Variants in FAM13C observed in about 807,000 individuals in gnomAD.
FAM13C encodes the protein family with sequence similarity 13 member C, also known as protein FAM13C.
In FAM13C, 37 loss-of-function variants were observed where a neutral mutation model predicts 73.2. The ratio of observed to expected loss-of-function variants is 0.51; its 90% confidence interval spans 0.39 to 0.67. The LOEUF (loss-of-function observed/expected upper bound fraction) is 0.67. FAM13C is among the 30% of genes least tolerant of loss of function. The pLI, the probability that FAM13C is intolerant of heterozygous loss-of-function variation, is 0.00. For synonymous variants in FAM13C, 246 were observed against 260.9 expected (o/e 0.94, Z 0.55); for missense variants, 589 against 715.6 (o/e 0.82, Z 2.02).
intron 8 of FAM13C, among the ~76,000 whole-genome samples, chr10:59,264,659 T>G (rs1229674980): frequency 2.0e-5 from 3 of 152,190 alleles, no homozygotes; most frequent in Non-Finnish European, 2.9e-5. Flanking sequence ...CTGGAAGATT[T>G]AGCTCTTATC....
intron 9 of FAM13C, among the ~76,000 whole-genome samples, chr10:59,262,893 G>A (rs1484453613): frequency 6.6e-6 from 1 of 152,174 alleles, no homozygotes; most frequent in Non-Finnish European, 1.5e-5. Flanking sequence ...GTAGCTCAGT[G>A]GTTTAGATTT....
intron 10 of FAM13C, among the ~76,000 whole-genome samples, chr10:59,254,774 T>G (rs1259928285): frequency 4.6e-5 from 7 of 151,854 alleles, no homozygotes; most frequent in Non-Finnish European, 7.4e-5. Context: ...GGCTAATTAT[T>G]TTGTATTTTT....
At chr10:59,295,582 G>A (rs1447335738) in intron 5 of FAM13C, among the ~76,000 whole-genome samples, 1 of 152,154 alleles carries the variant, frequency 6.6e-6, no homozygotes, top group East Asian at 1.9e-4. Flanking sequence ...CCCAGCCAGT[G>A]CCTAGATTTC....
intron 5 of FAM13C, among the ~76,000 whole-genome samples, chr10:59,292,009 C>T (rs1255980521): frequency 6.6e-6 from 1 of 152,148 alleles, no homozygotes; most frequent in South Asian, 2.1e-4. Context: ...AGGATGGTCT[C>T]TATCTCCTGA....
At chr10:59,344,090 T>C (rs1853909878) in intron 3 of FAM13C, among the ~76,000 whole-genome samples, 2 of 150,060 alleles carry the variant, frequency 1.3e-5, no homozygotes, top group African/African-American at 4.9e-5. Context: ...GCTTCCCGAG[T>C]AGCTGGGACT....
chr10:59,278,862 T>C (rs140263575), intron 6 of FAM13C, among the ~76,000 whole-genome samples: 1 of 150,818 alleles, frequency 6.6e-6, no homozygotes, highest in African/African-American at 2.5e-5. Flanking sequence ...ACACACACCA[T>C]AATGAATTAA....
At chr10:59,319,779 C>G (rs1849978247) in intron 4 of FAM13C, among the ~76,000 whole-genome samples, 1 of 152,140 alleles carries the variant, frequency 6.6e-6, no homozygotes, top group African/African-American at 2.4e-5. Context: ...TTTCTTCCAG[C>G]TCTAACTAAC....
chr10:59,308,562 C>G (rs55827141), intron 4 of FAM13C, among the ~76,000 whole-genome samples: 2 of 115,830 alleles, frequency 1.7e-5, no homozygotes, highest in Non-Finnish European at 3.9e-5. Context: ...ACCAGCACCA[C>G]CAACCACCAT....
intron 1 of FAM13C, among the ~76,000 whole-genome samples, chr10:59,358,032 G>A (rs1292596063): frequency 1.3e-5 from 2 of 151,980 alleles, no homozygotes; most frequent in African/African-American, 4.8e-5. Flanking sequence ...TTAAACAAAG[G>A]CCACCCACAG....
chr10:59,336,530 A>G (rs909883188), intron 3 of FAM13C, among the ~76,000 whole-genome samples: 1 of 152,170 alleles, frequency 6.6e-6, no homozygotes, highest in African/African-American at 2.4e-5. Flanking sequence ...TCTCAAGCCA[A>G]GATTAGGGTG....
At chr10:59,271,041 G>A (rs998974374) in intron 6 of FAM13C, among the ~76,000 whole-genome samples, 8 of 152,104 alleles carry the variant, frequency 5.3e-5, no homozygotes, top group African/African-American at 1.7e-4. Context: ...CAGATCATTA[G>A]GAAACTGAGT....
intron 1 of FAM13C, 74 bp from the exon 2 acceptor site, chr10:59,356,017 G>A: frequency 2.2e-6 from 3 of 1,388,298 alleles, no homozygotes; most frequent in Non-Finnish European, 3.1e-6. Context: ...ATCTAGAATT[G>A]TCTCAAGATT....
At chr10:59,275,811 A>G (rs1420765226) in intron 6 of FAM13C, among the ~76,000 whole-genome samples, 1 of 152,184 alleles carries the variant, frequency 6.6e-6, no homozygotes, top group Non-Finnish European at 1.5e-5. Flanking sequence ...CAGGTATAAC[A>G]ACACAGTACT....
chr10:59,349,176 A>G (rs574181124), intron 3 of FAM13C, among the ~76,000 whole-genome samples: 1 of 152,296 alleles, frequency 6.6e-6, no homozygotes, highest in Admixed American at 6.5e-5. Context: ...TCAGTAGTAA[A>G]CTAACCACAG....
intron 6 of FAM13C, among the ~76,000 whole-genome samples, chr10:59,279,479 A>C (rs899567334): frequency 2.6e-5 from 4 of 152,244 alleles, no homozygotes; most frequent in African/African-American, 9.6e-5. Flanking sequence ...AGAAAAATAT[A>C]ATAAAGTACT....
chr10:59,291,992 A>G (rs539792790), intron 5 of FAM13C, among the ~76,000 whole-genome samples: 4,005 of 151,942 alleles, frequency 0.026, 86 homozygotes, highest in Non-Finnish European at 0.042. Context: ...GTTTCACCAT[A>G]TTAGCCAGGA....
chr10:59,358,301 T>A (rs1339625422), intron 1 of FAM13C, among the ~76,000 whole-genome samples: 2 of 152,076 alleles, frequency 1.3e-5, no homozygotes, highest in African/African-American at 4.8e-5. Context: ...CCACTTGAAC[T>A]TGGGAGGTGG....
intron 3 of FAM13C, among the ~76,000 whole-genome samples, chr10:59,339,272 C>T (rs529249400): frequency 6.6e-6 from 1 of 152,224 alleles, no homozygotes; most frequent in East Asian, 1.9e-4. Flanking sequence ...TTCTGAGGTT[C>T]CAAGTGGACA....
chr10:59,358,706 T>C (rs1364043348), intron 1 of FAM13C, among the ~76,000 whole-genome samples: 1 of 152,196 alleles, frequency 6.6e-6, no homozygotes, highest in Non-Finnish European at 1.5e-5. Context: ...TCCCCCTCAT[T>C]TGATTTATTA....
Sources: gnomAD v4.1 joint callset for allele counts (sites outside exome capture counted in the v4.1 genomes callset) on GRCh38, gnomAD v4.1.1 for gene constraint, MANE v1.5 for transcripts, NCBI Gene and HGNC (gene_info 2026-07-23, HGNC 2026-07-21) for gene names.